UBR2: variants seen among roughly 807,000 people sequenced by gnomAD.
UBR2 encodes ubiquitin protein ligase E3 component n-recognin 2, also known as E3 ubiquitin-protein ligase UBR2.
UBR2 carries 92 observed loss-of-function variants against 247.9 expected under a neutral mutation model. The observed-to-expected ratio is 0.37, with a 90% confidence interval of 0.31 to 0.44. The LOEUF (loss-of-function observed/expected upper bound fraction) is 0.44. UBR2 is among the 20% of genes least tolerant of loss of function. The pLI is 1.00. For synonymous variants in UBR2, 672 were observed against 693.5 expected (o/e 0.97, Z 0.49); for missense variants, 1,613 against 2,112.6 (o/e 0.76, Z 4.64).
At chr6:42,654,602 A>C (rs940176668) in intron 25 of UBR2, among the ~76,000 whole-genome samples, 5 of 152,120 alleles carry the variant, frequency 3.3e-5, no homozygotes, top group Non-Finnish European at 5.9e-5. Context: ...GCACATGCTT[A>C]TAATCCCAGC....
intron 42 of UBR2, among the ~76,000 whole-genome samples, chr6:42,682,030 C>T (rs528435063): frequency 1.3e-4 from 20 of 152,158 alleles, no homozygotes; most frequent in Non-Finnish European, 2.4e-4. Flanking sequence ...GCCAAGATTA[C>T]GCCACTGCAC....
At chr6:42,685,143 C>T (rs1481771111) in intron 44 of UBR2, among the ~76,000 whole-genome samples, 1 of 152,104 alleles carries the variant, frequency 6.6e-6, no homozygotes, top group East Asian at 1.9e-4. Flanking sequence ...GAAACCCTGT[C>T]TCTACTAAAA....
At chr6:42,633,288 G>A (rs184946338) in intron 13 of UBR2, among the ~76,000 whole-genome samples, 321 of 152,208 alleles carry the variant, frequency 2.1e-3, no homozygotes, top group Non-Finnish European at 3.2e-3. Context: ...TGACCAGGAA[G>A]CTCCTCTTTA....
chr6:42,598,598 A>T (rs780553364), intron 4 of UBR2, among the ~76,000 whole-genome samples: 1 of 152,200 alleles, frequency 6.6e-6, no homozygotes, highest in Non-Finnish European at 1.5e-5. Flanking sequence ...GAGGGTGGTG[A>T]GATGTACCTC....
chr6:42,687,312 G>A (rs867340733), intron 44 of UBR2, among the ~76,000 whole-genome samples: 5 of 152,266 alleles, frequency 3.3e-5, no homozygotes, highest in Admixed American at 6.5e-5. Flanking sequence ...GCGAAACCCC[G>A]TCTCCACCAA....
chr6:42,663,684 T>A (rs1797951945), intron 32 of UBR2, among the ~76,000 whole-genome samples: 1 of 152,188 alleles, frequency 6.6e-6, no homozygotes, highest in South Asian at 2.1e-4. Context: ...CTAGGGACCC[T>A]ACTTTTAATA....
At chr6:42,619,443 ATATATATATAT>A (rs1488134804) in intron 11 of UBR2, 3 of 29,338 alleles carry the variant, frequency 1.0e-4, no homozygotes, top group African/African-American at 2.1e-4. Flanking sequence ...ATATATATAT[ATATATATATAT>A]TTTTTTTTTT....
intron 4 of UBR2, among the ~76,000 whole-genome samples, chr6:42,599,927 T>A (rs956816416): frequency 1.5e-4 from 23 of 152,164 alleles, no homozygotes; most frequent in Non-Finnish European, 2.9e-4. Context: ...AATCTAATTT[T>A]AAAAAATAAT....
Position 42,652,069 on chromosome 6 carries a change from C to G in UBR2, c.2612C>G (p.Thr871Arg). Residue 871 changes from threonine to arginine, a missense_variant and splice_region_variant, in exon 24 of 47, where the codon ACA becomes AGA. Thr to Arg is a moderately conservative substitution (Grantham distance 71). This residue lies in a region of UBR2 where 1,524 missense variants were observed against 1,967.3 expected (regional missense o/e 0.77). Transcript: ENST00000372901. Reference protein sequence around the residue: ...RKLKRQNREDTALPPPVLPPF... With the variant: ...RKLKRQNREDRALPPPVLPPF... ...TTGAAAAGACAAAATAGAGAAGATA[C>G]AGGTATTTTTAATCTTTCTGAAAAT... is the stretch of plus-strand genomic sequence containing the variant. The G allele has an allele frequency of 6.3e-7, 1 of 1,582,130 alleles. No homozygotes were observed. The highest frequency in any genetic ancestry group is 1.4e-5 in the African/African-American group (1 of 72,534).
At position 42,606,551 on chromosome 6, in the gene UBR2, A is replaced by C. The variant is rs774735716; in HGVS notation, c.802-38A>C. 8 of 1,551,082 alleles carry C rather than the reference A, an allele frequency of 5.2e-6. No homozygotes were observed. In the Admixed American group the frequency reaches 1.4e-4, roughly 26 times the overall value. On this transcript the variant is annotated intron_variant, in intron 6 of 46. Transcript: ENST00000372901. ...GGTTTAAAAGTTATTAATATTGAAT[A>C]CAATACTTTTACAGCTTAATTTTAA...
intron 44 of UBR2, among the ~76,000 whole-genome samples, chr6:42,686,705 G>A (rs1799425730): frequency 6.7e-6 from 1 of 149,946 alleles, no homozygotes; most frequent in African/African-American, 2.5e-5. Flanking sequence ...CCGGGTGGGA[G>A]CTGCCCCCCA....
In UBR2 at chr6:42,693,476, T is replaced by G. The variant is rs1443971506; in HGVS notation, c.*2303T>G. 6.6e-6 allele frequency: 1 copy of G among 152,212 alleles called. No individual in the cohort carries two copies. Among genetic ancestry groups the G allele is most frequent in the Non-Finnish European group, 1.5e-5 (1 of 68,044 alleles). The allele number at this position is 152,212 out of a possible 1,614,324, so 9.4% of individuals were successfully genotyped here. A position where few individuals can be genotyped will look rare whatever the true frequency, so the allele number is the denominator to read the frequency against. ...ATCATATGTAAAAAGTTTAAAGATA[T>G]CCAAATAAATGCTTTAGGTGTTGGC... On this transcript the variant is annotated 3_prime_UTR_variant, in exon 47 of 47. Coordinates refer to ENST00000372901, the MANE Select transcript of UBR2 (RefSeq NM_001363705.2).
chr6:42,591,872 A>C (rs970313592), intron 2 of UBR2, among the ~76,000 whole-genome samples: 6 of 152,174 alleles, frequency 3.9e-5, no homozygotes, highest in South Asian at 2.1e-4. Context: ...GATTTCCACA[A>C]ATCTATGGGA....
At position 42,641,679 on chromosome 6, in the gene UBR2, C is replaced by G; in HGVS notation, c.2018C>G (p.Ser673Cys). 1 of 1,609,462 alleles carries G rather than the reference C, an allele frequency of 6.2e-7. No homozygotes were observed. ...HAGMWRRNGF[S>C]LVNQIYYYHN... is the part of the protein sequence containing the mutation. The stretch of plus-strand genomic sequence containing the variant: ...GGAATGTGGAGAAGAAATGGGTTCT[C>G]TCTAGTAAACCAGGTAAGTGTTTTC... Residue 673 changes from serine to cysteine, a missense_variant, in exon 17 of 47, where the codon TCT becomes TGT. Ser to Cys is a moderately radical substitution (Grantham distance 112). Transcript: ENST00000372901.
intron 11 of UBR2, among the ~76,000 whole-genome samples, chr6:42,624,841 G>A (rs1795234358): frequency 6.6e-6 from 1 of 152,112 alleles, no homozygotes; most frequent in African/African-American, 2.4e-5. Context: ...GAGTAATTGT[G>A]GAAGTTACAA....
At chr6:42,632,069 A>AAATATATATATATATATATAT (rs56721828) in intron 11 of UBR2, among the ~76,000 whole-genome samples, 4 of 114,080 alleles carry the variant, frequency 3.5e-5, no homozygotes, top group African/African-American at 1.4e-4. Context: ...AAAAAAAAAA[A>AAATATATATATATATATATAT]ATATATATAT....
Position 42,609,909 on chromosome 6 carries a change from G to GA in UBR2, c.865-2253dup, listed in dbSNP as rs1272396569. On this transcript the variant is annotated intron_variant, in intron 7 of 46. Transcript: ENST00000372901. ...AAACCCTGTTACAAAAAAAAAAAAA[G>GA]AAAAAAAAAGATGTTGATAGATTTG... is the stretch of plus-strand genomic sequence containing the variant. 6.2e-3 allele frequency among the ~76,000 whole-genome samples: 906 copies of GA among 145,364 alleles called. 12 individuals are homozygous for GA. Among genetic ancestry groups the GA allele is most frequent in the African/African-American group, 0.022 (870 of 39,638 alleles).
intron 3 of UBR2, 103 bp downstream of exon 3, chr6:42,592,332 G>T: frequency 1.0e-6 from 1 of 959,322 alleles, no homozygotes; most frequent in Non-Finnish European, 1.5e-6. Context: ...AATGGGGGGA[G>T]GGTGGTTTAA....
intron 7 of UBR2, among the ~76,000 whole-genome samples, chr6:42,611,813 A>G (rs1345327863): frequency 6.6e-6 from 1 of 151,888 alleles, no homozygotes. Context: ...GGCTGAGGGC[A>G]GAAGAATCAC....
Sources: gnomAD v4.1 joint callset for allele counts (sites outside exome capture counted in the v4.1 genomes callset) on GRCh38, gnomAD v4.1.1 for gene constraint, gnomAD v4.1.1 regional missense constraint, MANE v1.5 for transcripts, NCBI Gene and HGNC (gene_info 2026-07-23, HGNC 2026-07-21) for gene names.